Variants in CCDC3 observed in about 807,000 individuals in gnomAD.
CCDC3 encodes coiled-coil domain-containing protein 3.
A neutral mutation model predicts 21.4 loss-of-function variants in CCDC3; 24 were observed. That is an observed-to-expected ratio of 1.12 (90% CI 0.81 to 1.58). The LOEUF (loss-of-function observed/expected upper bound fraction) is 1.58. CCDC3 is among the 40% of genes most tolerant of loss of function. CCDC3 has a pLI of 0.00. For missense variants in CCDC3, 425 were observed against 360.9 expected, an observed-to-expected ratio of 1.18 and a Z score of -1.44; for synonymous variants, 186 against 166.0, an observed-to-expected ratio of 1.12 and a Z score of -0.93.
intron 5 of CCDC3, among the ~76,000 whole-genome samples, chr10:13,011,776 C>G (rs1835986836): frequency 6.6e-6 from 1 of 152,120 alleles, no homozygotes; most frequent in African/African-American, 2.4e-5. Flanking sequence ...CTGGAGGAAT[C>G]ACATTGCCCA....
chr10:12,940,129 TAGAAA>T (rs1834798168), intron 2 of CCDC3, among the ~76,000 whole-genome samples: 1 of 150,864 alleles, frequency 6.6e-6, no homozygotes, highest in South Asian at 2.1e-4. Context: ...TGTTTTTACA[TAGAAA>T]AGAAAACAGC....
Position 13,015,279 on chromosome 10 carries a change from T to C in CCDC3, c.-1-16767A>G, listed in dbSNP as rs151308063. On this transcript the variant is annotated intron_variant, in intron 5 of 6. Coordinates refer to the CCDC3 transcript ENST00000378839. ...TCCTACTAGACTATATTCTTGAGAT[T>C]GAGCTGATAATTAGATTAAATTCCA... 2.0e-5 allele frequency among the ~76,000 whole-genome samples: 3 copies of C among 152,242 alleles called. No individual in the cohort carries two copies. In the East Asian group the frequency reaches 5.8e-4, roughly 29 times the overall value.
chr10:12,993,453 T>C (rs1467643002), intron 2 of CCDC3, among the ~76,000 whole-genome samples: 2 of 151,802 alleles, frequency 1.3e-5, no homozygotes, highest in Non-Finnish European at 2.9e-5. Context: ...AAGAAAATGA[T>C]AGCAAGATCT....
chr10:13,069,243 T>C (rs558466777), intron 4 of CCDC3, among the ~76,000 whole-genome samples: 1 of 152,206 alleles, frequency 6.6e-6, no homozygotes, highest in South Asian at 2.1e-4. Context: ...CAACAAAGAC[T>C]GAAACTCTGC....
rs190663457 is a variant in CCDC3, at chr10:13,096,442, G to C, written c.-503+2083C>G. 3.9e-5 allele frequency among the ~76,000 whole-genome samples: 6 copies of C among 152,236 alleles called. No homozygotes were observed. In the East Asian group the frequency reaches 1.2e-3, roughly 29 times the overall value. On this transcript the variant is annotated intron_variant, in intron 3 of 6. Coordinates refer to the CCDC3 transcript ENST00000378839. ...TCAAACGATCCTCCCAAAGTGCTGG[G>C]ATTACAGGCGTGAGCCACCGCCCTG...
chr10:13,017,601 ATCT>A (rs1444074412), intron 5 of CCDC3, among the ~76,000 whole-genome samples: 1 of 151,958 alleles, frequency 6.6e-6, no homozygotes, highest in South Asian at 2.1e-4. Context: ...ATTTCCCAAC[ATCT>A]TCTTGTGTAG....
At chr10:13,080,796 G>C (rs945747816) in intron 3 of CCDC3, among the ~76,000 whole-genome samples, 3 of 152,236 alleles carry the variant, frequency 2.0e-5, no homozygotes, top group Non-Finnish European at 4.4e-5. Context: ...TGTCAGGGAG[G>C]GGGCCAGGCA....
chr10:12,920,403 C>G (rs886684288), intron 2 of CCDC3, among the ~76,000 whole-genome samples: 11 of 152,266 alleles, frequency 7.2e-5, no homozygotes, highest in African/African-American at 2.6e-4. Flanking sequence ...CAGAGCCAAA[C>G]CACATCACTA....
intron 3 of CCDC3, among the ~76,000 whole-genome samples, chr10:13,082,906 C>A (rs1837059883): frequency 6.6e-6 from 1 of 152,150 alleles, no homozygotes; most frequent in South Asian, 2.1e-4. Context: ...CATATATAAT[C>A]ATATCTATAT....
chr10:13,013,416 A>C (rs1236412447), intron 5 of CCDC3, among the ~76,000 whole-genome samples: 1 of 152,274 alleles, frequency 6.6e-6, no homozygotes, highest in African/African-American at 2.4e-5. Context: ...TGATGTGTTT[A>C]AATTAATAAT....
At chr10:13,035,784 G>A (rs962233796) in intron 5 of CCDC3, among the ~76,000 whole-genome samples, 13 of 152,308 alleles carry the variant, frequency 8.5e-5, no homozygotes, top group African/African-American at 2.9e-4. Flanking sequence ...AATAGACAAA[G>A]CAACAAACGA....
At chr10:12,947,275 G>A (rs891635441) in intron 2 of CCDC3, among the ~76,000 whole-genome samples, 1 of 151,996 alleles carries the variant, frequency 6.6e-6, no homozygotes. Flanking sequence ...AGCCTCCCAA[G>A]TAGCTGAGAT....
chr10:12,907,817 TAAG>T (rs907590451), intron 2 of CCDC3, among the ~76,000 whole-genome samples: 7 of 152,026 alleles, frequency 4.6e-5, no homozygotes, highest in Admixed American at 1.3e-4. Flanking sequence ...CCAAATCCCT[TAAG>T]AATTGCAGGA....
In CCDC3 at chr10:13,019,283, C is replaced by T. The variant is rs560856952; in HGVS notation, c.-1-20771G>A. ...AAAAATGAATAGAAAGTATAGAAGA[C>T]GTTTGGCTATTGTTATGTTTACTAT... is the stretch of plus-strand genomic sequence containing the variant. On this transcript the variant is annotated intron_variant, in intron 5 of 6. Transcript: ENST00000378839. 3.3e-5 allele frequency among the ~76,000 whole-genome samples: 5 copies of T among 152,084 alleles called. No individual in the cohort carries two copies. In the South Asian group the frequency reaches 1.0e-3, roughly 32 times the overall value.
chr10:12,928,579 G>A (rs1003091860), intron 2 of CCDC3, among the ~76,000 whole-genome samples: 1 of 152,176 alleles, frequency 6.6e-6, no homozygotes, highest in Non-Finnish European at 1.5e-5. Flanking sequence ...GATCATCTCA[G>A]TAACCTTCTT....
At chr10:13,071,776 G>C (rs1345944044) in intron 4 of CCDC3, among the ~76,000 whole-genome samples, 1 of 152,132 alleles carries the variant, frequency 6.6e-6, no homozygotes, top group East Asian at 1.9e-4. Flanking sequence ...TTCTGGATGG[G>C]TAGCCATTCA....
intron 2 of CCDC3, among the ~76,000 whole-genome samples, chr10:12,944,322 A>G (rs1167699792): frequency 6.6e-6 from 1 of 152,136 alleles, no homozygotes; most frequent in Non-Finnish European, 1.5e-5. Context: ...CTACGTGACA[A>G]GAACCTTGGC....
At chr10:13,072,696 T>A (rs1379906299) in intron 4 of CCDC3, among the ~76,000 whole-genome samples, 1 of 151,902 alleles carries the variant, frequency 6.6e-6, no homozygotes, top group African/African-American at 2.4e-5. Context: ...TTCCCCCTTT[T>A]GCCCAATAAA....
chr10:13,086,554 C>G (rs1320678512), intron 3 of CCDC3, among the ~76,000 whole-genome samples: 1 of 152,196 alleles, frequency 6.6e-6, no homozygotes, highest in Admixed American at 6.5e-5. Flanking sequence ...CCTCCCGGTT[C>G]TCCTGCCTCA....
Sources: gnomAD v4.1 joint callset for allele counts (sites outside exome capture counted in the v4.1 genomes callset) on GRCh38, gnomAD v4.1.1 for gene constraint, MANE v1.5 for transcripts, NCBI Gene and HGNC (gene_info 2026-07-23, HGNC 2026-07-21) for gene names.